Variants in CUBN observed in about 807,000 individuals in gnomAD.
CUBN encodes 460 kDa receptor.
Under a neutral mutation model 405.3 loss-of-function variants are expected in CUBN, and 282 were observed. The ratio of observed to expected loss-of-function variants is 0.70; its 90% CI spans 0.63 to 0.77. CUBN has a LOEUF of 0.77. Ranked by LOEUF, CUBN falls within the 30% of genes least tolerant of loss-of-function variation. CUBN has a pLI of 0.00. For missense variants in CUBN, 4,514 were observed against 4,475.2 expected, an observed-to-expected ratio of 1.01 and a Z score of -0.25; for synonymous variants, 1,684 against 1,617.0, an observed-to-expected ratio of 1.04 and a Z score of -0.99.
At chr10:16,895,219 G>C (rs1026417630) in intron 54 of CUBN, among the ~76,000 whole-genome samples, 3 of 152,008 alleles carry the variant, frequency 2.0e-5, no homozygotes, top group African/African-American at 4.8e-5. Flanking sequence ...TCAATTCCTT[G>C]ACTTGGTTGA....
Position 16,872,751 on chromosome 10 carries a change from CAAAT to C in CUBN, c.9236+1619_9236+1622del, listed in dbSNP as rs898620886. Reference sequence around the variant, plus strand: ...TAATCAATCCTACACATATGAGAAACAAATAGTGAGTCACAGTAGCAAATGGCTC... The same window carrying C: ...TAATCAATCCTACACATATGAGAAACAGTGAGTCACAGTAGCAAATGGCTC... On this transcript the variant is annotated intron_variant, in intron 58 of 66. Transcript: ENST00000377833. 5.3e-5 allele frequency among the ~76,000 whole-genome samples: 8 copies of C among 152,298 alleles called. No homozygotes were observed. In the East Asian group the frequency reaches 1.5e-3, roughly 29 times the overall value.
chr10:16,923,267 T>C (rs1842090953), intron 43 of CUBN, among the ~76,000 whole-genome samples: 1 of 152,176 alleles, frequency 6.6e-6, no homozygotes, highest in African/African-American at 2.4e-5. Context: ...TTAACAGGCC[T>C]ATTAATCAGG....
chr10:16,998,784 C>T (rs7900377), intron 28 of CUBN, among the ~76,000 whole-genome samples: 36,287 of 152,048 alleles, frequency 0.24, 4,440 homozygotes, highest in East Asian at 0.37. Flanking sequence ...TTCATGAAAA[C>T]AGAAAAGGTC....
At chr10:16,982,045 T>C (rs979864102) in intron 31 of CUBN, among the ~76,000 whole-genome samples, 5 of 152,226 alleles carry the variant, frequency 3.3e-5, no homozygotes, top group African/African-American at 1.2e-4. Context: ...CTGGATCTCT[T>C]TTGTAGTCAG....
At chr10:17,015,866 C>T (rs1834314165) in intron 28 of CUBN, among the ~76,000 whole-genome samples, 1 of 152,118 alleles carries the variant, frequency 6.6e-6, no homozygotes, top group African/African-American at 2.4e-5. Flanking sequence ...TTGGCCTGCT[C>T]CATTTTTTGT....
chr10:17,059,621 C>T (rs1835460404), intron 22 of CUBN, among the ~76,000 whole-genome samples: 1 of 150,608 alleles, frequency 6.6e-6, no homozygotes, highest in Non-Finnish European at 1.5e-5. Flanking sequence ...CATCTGCTTC[C>T]ACAGACATAT....
intron 38 of CUBN, among the ~76,000 whole-genome samples, chr10:16,938,308 TCTC>T (rs1842572674): frequency 6.6e-6 from 1 of 152,128 alleles, no homozygotes; most frequent in East Asian, 1.9e-4. Flanking sequence ...ACTTAGTAAA[TCTC>T]CTACCTTTGG....
At chr10:16,844,736 A>G (rs1002631259) in intron 60 of CUBN, among the ~76,000 whole-genome samples, 1 of 152,172 alleles carries the variant, frequency 6.6e-6, no homozygotes, top group African/African-American at 2.4e-5. Flanking sequence ...CAAACCCAAG[A>G]TCTCTATCTG....
chr10:16,989,740 C>T (rs1374719787), intron 29 of CUBN, among the ~76,000 whole-genome samples: 1 of 152,122 alleles, frequency 6.6e-6, no homozygotes, highest in African/African-American at 2.4e-5. Flanking sequence ...TCTTCAAATG[C>T]CTCATGCTAC....
chr10:17,059,350 T>C (rs927815402), intron 22 of CUBN, among the ~76,000 whole-genome samples: 19 of 152,078 alleles, frequency 1.2e-4, no homozygotes, highest in Admixed American at 2.0e-4. Context: ...CCCATAAAAT[T>C]TGAGCCACAG....
intron 59 of CUBN, among the ~76,000 whole-genome samples, chr10:16,851,655 T>G (rs966795408): frequency 9.8e-6 from 1 of 101,982 alleles, no homozygotes; most frequent in Non-Finnish European, 1.8e-5. Context: ...CCTCCTTCCC[T>G]CCCTCTATCT....
rs1801229 is a variant in CUBN at position 16,982,616 on chromosome 10, A to T, written c.4563T>A (p.Ile1521=). 0.84 allele frequency: 1,361,340 copies of T among 1,612,786 alleles called. 587,786 individuals carry two copies. Among genetic ancestry groups the T allele is most frequent in the Non-Finnish European group, 0.9 (1,060,239 of 1,179,104 alleles). ...GGIFQAPSGE[I]HSPNYPSPYR... is the part of the protein sequence containing the mutation. The stretch of plus-strand genomic sequence containing the variant: ...AAGGACTGGGGTAATTTGGAGAATG[A>T]ATCTCTCCACTGGGAGCCTGGAAAA... The change falls in exon 31 of 67, where the codon ATT becomes ATA. Residue 1521 remains isoleucine (I), a synonymous_variant. Transcript: ENST00000377833.
At chr10:16,923,212 T>C (rs1842089170) in intron 43 of CUBN, among the ~76,000 whole-genome samples, 1 of 152,036 alleles carries the variant, frequency 6.6e-6, no homozygotes, top group Non-Finnish European at 1.5e-5. Context: ...CAGAACTCGG[T>C]GGTTTGCATG....
At chr10:16,995,379 A>G (rs922380125) in intron 28 of CUBN, among the ~76,000 whole-genome samples, 4 of 152,248 alleles carry the variant, frequency 2.6e-5, no homozygotes, top group Non-Finnish European at 5.9e-5. Context: ...CTATAGCTGT[A>G]TGAATACTTA....
At chr10:16,960,489 C>A (rs1040745920) in intron 31 of CUBN, among the ~76,000 whole-genome samples, 3 of 152,110 alleles carry the variant, frequency 2.0e-5, no homozygotes, top group Non-Finnish European at 4.4e-5. Flanking sequence ...AAGACTCCAT[C>A]TCAAAACAAA....
chr10:16,886,207 C>A (rs1183049231), intron 56 of CUBN, among the ~76,000 whole-genome samples: 1 of 152,096 alleles, frequency 6.6e-6, no homozygotes, highest in Non-Finnish European at 1.5e-5. Flanking sequence ...CTGAAAATTA[C>A]AACTGCAGAG....
At chr10:17,110,223 C>T (rs927729918) in intron 9 of CUBN, among the ~76,000 whole-genome samples, 2 of 152,122 alleles carry the variant, frequency 1.3e-5, no homozygotes, top group East Asian at 1.9e-4. Context: ...CCAACAATTA[C>T]GATATATGCC....
intron 48 of CUBN, among the ~76,000 whole-genome samples, chr10:16,908,727 A>G (rs559267322): frequency 3.3e-4 from 50 of 152,364 alleles, no homozygotes; most frequent in African/African-American, 1.1e-3. Flanking sequence ...AGATGAAATA[A>G]CTGAACAATA....
chr10:17,015,615 A>C (rs7072000), intron 28 of CUBN, among the ~76,000 whole-genome samples: 60,374 of 151,888 alleles, frequency 0.4, 12,327 homozygotes, highest in East Asian at 0.59. Flanking sequence ...GTTAAATGTA[A>C]CCGGGGCTCA....
Sources: allele counts gnomAD v4.1 joint callset (sites outside exome capture counted in the v4.1 genomes callset), GRCh38; gene constraint gnomAD v4.1.1; transcripts MANE v1.5; gene names NCBI Gene and HGNC (gene_info 2026-07-23, HGNC 2026-07-21).